The following NPIPB2 variants were observed in gnomAD, a reference collection of about 807,000 sequenced individuals.
NPIPB2 encodes nuclear pore complex interacting protein family member B2.
NPIPB2 carries 27 observed loss-of-function variants against 30.8 expected under a neutral mutation model. That is an observed-to-expected ratio of 0.88 (90% confidence interval 0.65 to 1.21). The LOEUF (loss-of-function observed/expected upper bound fraction) is 1.21, where lower values mean the gene tolerates loss of function less well. Ranked by LOEUF, NPIPB2 falls within the 50% of genes most tolerant of loss-of-function variation. The pLI is 0.00. For missense variants in NPIPB2, 440 were observed against 446.2 expected (o/e 0.99, Z 0.13); for synonymous variants, 147 against 162.0 (o/e 0.91, Z 0.70).
chr16:11,947,445 C>T (rs1010275450), intron 1 of NPIPB2, among the ~76,000 whole-genome samples: 3 of 150,820 alleles, frequency 2.0e-5, no homozygotes, highest in Admixed American at 6.6e-5. Flanking sequence ...CCCAGGTTCA[C>T]GCCATTCTCC....
chr16:11,952,339 C>T (rs138118872), intron 1 of NPIPB2, among the ~76,000 whole-genome samples: 2,202 of 151,728 alleles, frequency 0.015, 47 homozygotes, highest in African/African-American at 0.051. Context: ...TAGAGCAAGA[C>T]TCCGTCTCAA....
At chr16:11,964,759 C>T (rs2055180073) in intron 1 of NPIPB2, among the ~76,000 whole-genome samples, 3 of 152,122 alleles carry the variant, frequency 2.0e-5, no homozygotes, top group Admixed American at 2.0e-4. Context: ...GTCAGGGTTT[C>T]GCCATGTTGC....
chr16:11,934,031 G>T (rs993727574), intron 2 of NPIPB2, 107 bp from the exon 3 acceptor site: 5 of 763,812 alleles, frequency 6.5e-6, no homozygotes, highest in Non-Finnish European at 1.1e-5. Context: ...AGGAGTTCAA[G>T]ACCAGCCTGG....
intron 1 of NPIPB2, among the ~76,000 whole-genome samples, chr16:11,972,567 C>T (rs10852346): frequency 0.12 from 17,613 of 151,332 alleles, 1,491 homozygotes; most frequent in African/African-American, 0.21. Flanking sequence ...ACAGTGAGAC[C>T]GCATCTTCAA....
chr16:11,975,657 C>T (rs1478868730), intron 1 of NPIPB2, among the ~76,000 whole-genome samples: 2 of 151,730 alleles, frequency 1.3e-5, no homozygotes, highest in African/African-American at 4.8e-5. Flanking sequence ...GTGGTGGGAT[C>T]TCGGCTCACT....
rs540951733 is a variant in NPIPB2, at chr16:11,937,609, C to G, written c.123G>C (p.Trp41Cys). The G allele has an allele frequency of 2.9e-5, 47 of 1,599,422 alleles. No individual in the cohort carries two copies. In the African/African-American group the frequency reaches 4.7e-4, roughly 16 times the overall value. Residue 41 changes from tryptophan (W) to cysteine (C), a missense_variant, in exon 2 of 8, where the codon TGG becomes TGC. Transcript: ENST00000399147. ...TCGGAAATGCAATAATGATACGTAACCAAGGACTTCCACCAAAGTCAGTCC... is the reference window on the plus strand; with the variant it reads ...TCGGAAATGCAATAATGATACGTAAGCAAGGACTTCCACCAAAGTCAGTCC...
chr16:11,935,425 T>C (rs1446525986), intron 2 of NPIPB2, among the ~76,000 whole-genome samples: 2 of 152,098 alleles, frequency 1.3e-5, no homozygotes, highest in Non-Finnish European at 2.9e-5. Context: ...GCGATTCTTG[T>C]GCCTCAGCCT....
At chr16:11,970,862 T>G (rs1342614196) in intron 1 of NPIPB2, among the ~76,000 whole-genome samples, 2 of 107,698 alleles carry the variant, frequency 1.9e-5, no homozygotes, top group East Asian at 6.3e-4. Context: ...ACTCGTTTCT[T>G]TTTTTTTTTT....
chr16:11,954,021 T>C (rs2055089993), intron 1 of NPIPB2, among the ~76,000 whole-genome samples: 1 of 152,180 alleles, frequency 6.6e-6, no homozygotes, highest in African/African-American at 2.4e-5. Flanking sequence ...TTCTATTGAA[T>C]AGGCATACTA....
chr16:11,964,555 T>C (rs1031480967), intron 1 of NPIPB2, among the ~76,000 whole-genome samples: 1 of 151,862 alleles, frequency 6.6e-6, no homozygotes, highest in African/African-American at 2.4e-5. Flanking sequence ...GCTGGGATCA[T>C]AGGTGCCTGC....
At chr16:11,935,701 C>G (rs558392305) in intron 2 of NPIPB2, among the ~76,000 whole-genome samples, 1 of 149,508 alleles carries the variant, frequency 6.7e-6, no homozygotes, top group South Asian at 2.2e-4. Context: ...ACTAGGATTT[C>G]GAGAGAAGCA....
intron 1 of NPIPB2, among the ~76,000 whole-genome samples, chr16:11,954,520 A>G (rs1261090332): frequency 6.6e-6 from 1 of 151,852 alleles, no homozygotes; most frequent in Non-Finnish European, 1.5e-5. Context: ...GTTAACTTTA[A>G]AAAGACGCTT....
intron 1 of NPIPB2, among the ~76,000 whole-genome samples, chr16:11,962,756 A>G (rs150196012): frequency 6.6e-6 from 1 of 152,196 alleles, no homozygotes; most frequent in African/African-American, 2.4e-5. Context: ...ATTTTTTAAT[A>G]ATATGAATTT....
At chr16:11,970,143 G>A (rs1372528907) in intron 1 of NPIPB2, among the ~76,000 whole-genome samples, 1 of 152,056 alleles carries the variant, frequency 6.6e-6, no homozygotes, top group Non-Finnish European at 1.5e-5. Context: ...GAGGTCAGGA[G>A]TTAGAGACCA....
intron 1 of NPIPB2, among the ~76,000 whole-genome samples, chr16:11,970,726 G>A (rs528677840): frequency 6.6e-6 from 1 of 151,424 alleles, no homozygotes; most frequent in South Asian, 2.1e-4. Context: ...AATATAGACG[G>A]GGTTTCACCT....
chr16:11,964,389 A>G (rs1047215853), intron 1 of NPIPB2, among the ~76,000 whole-genome samples: 1 of 151,422 alleles, frequency 6.6e-6, no homozygotes, highest in African/African-American at 2.4e-5. Flanking sequence ...CGTCTTCCTT[A>G]GTGCATCACC....
chr16:11,956,899 C>T (rs979771311), intron 1 of NPIPB2, among the ~76,000 whole-genome samples: 4 of 152,188 alleles, frequency 2.6e-5, no homozygotes, highest in African/African-American at 9.6e-5. Context: ...GACCAGGCCC[C>T]CAGGAGGGCT....
chr16:11,976,296 T>A (rs926420053), intron 1 of NPIPB2, among the ~76,000 whole-genome samples: 3 of 152,312 alleles, frequency 2.0e-5, no homozygotes, highest in African/African-American at 7.2e-5. Flanking sequence ...TGCCCCTCCT[T>A]ATGGAACACT....
At chr16:11,950,722 C>G (rs1293528639) in intron 1 of NPIPB2, among the ~76,000 whole-genome samples, 1 of 152,118 alleles carries the variant, frequency 6.6e-6, no homozygotes, top group Non-Finnish European at 1.5e-5. Flanking sequence ...TCCTCCCTTC[C>G]TTCCTTCTCC....
Sources: gnomAD v4.1 joint callset for allele counts (sites outside exome capture counted in the v4.1 genomes callset) on GRCh38, gnomAD v4.1.1 for gene constraint, MANE v1.5 for transcripts, NCBI Gene and HGNC (gene_info 2026-07-23, HGNC 2026-07-21) for gene names.